Variants in SMC4 observed in about 807,000 individuals in gnomAD.
SMC4 encodes structural maintenance of chromosomes protein 4.
A neutral mutation model predicts 145.6 loss-of-function variants in SMC4; 87 were observed. That is an observed-to-expected ratio of 0.60 (90% CI 0.50 to 0.71). The LOEUF (loss-of-function observed/expected upper bound fraction) is 0.71, where lower values mean the gene tolerates loss of function less well. Ranked by LOEUF, SMC4 falls within the 30% of genes least tolerant of loss-of-function variation. SMC4 has a pLI of 0.00. For missense variants in SMC4, 1,447 were observed against 1,537.1 expected (o/e 0.94, Z 0.98); for synonymous variants, 558 against 500.7 (o/e 1.11, Z -1.53).
At chr3:160,402,235 TCTCACACA>T in intron 3 of SMC4, 142 bp downstream of exon 3, 3 of 508,346 alleles carry the variant, frequency 5.9e-6, no homozygotes, top group South Asian at 6.2e-5. Context: ...TGTCTCTCTC[TCTCACACA>T]CACACACACA....
At chr3:160,401,747 GATA>G (rs1442562613) in intron 2 of SMC4, among the ~76,000 whole-genome samples, 165 bp from the exon 3 acceptor site, 1 of 152,250 alleles carries the variant, frequency 6.6e-6, no homozygotes, top group African/African-American at 2.4e-5. Flanking sequence ...GTGAGTTTAA[GATA>G]ATAACATATT....
intron 7 of SMC4, chr3:160,412,779 G>A (rs1716150949): frequency 2.2e-6 from 2 of 925,618 alleles, no homozygotes; most frequent in African/African-American, 2.0e-5. Context: ...GATCACCAGG[G>A]TTGAATTTAT....
intron 21 of SMC4, 34 bp downstream of exon 21, chr3:160,431,859 G>A: frequency 6.4e-7 from 1 of 1,554,854 alleles, no homozygotes; most frequent in Non-Finnish European, 8.7e-7. Context: ...ACTAGTTGGA[G>A]TTCTTTTTAG....
At chr3:160,431,333 CTG>C in intron 20 of SMC4, 128 bp downstream of exon 20, 4 of 744,016 alleles carry the variant, frequency 5.4e-6, no homozygotes, top group Non-Finnish European at 8.4e-6. Context: ...ATTTTTAATT[CTG>C]TGATCACTTC....
At chr3:160,415,020 A>G (rs555354419) in intron 9 of SMC4, among the ~76,000 whole-genome samples, 32 of 152,236 alleles carry the variant, frequency 2.1e-4, no homozygotes, top group Non-Finnish European at 4.0e-4. Context: ...AGACTTAAAA[A>G]TATTGCCTGT....
rs1264034720 is a variant in SMC4, at chr3:160,426,186, G to A, written c.2591G>A (p.Ser864Asn). The change falls in exon 17 of 24, where the codon AGT (serine) becomes AAT (asparagine). Residue 864 changes from serine to asparagine, a missense_variant. Physicochemically the swap from Ser to Asn is conservative, Grantham distance 46. Transcript: ENST00000357388. Reference protein sequence around the residue: ...KKQKLLEENVSAFKTEYDAVA... With the variant: ...KKQKLLEENVNAFKTEYDAVA... The stretch of plus-strand genomic sequence containing the variant: ...CAGAAATTGCTAGAAGAAAACGTTA[G>A]TGCTTTCAAAACAGGTATGTTTAGA... 6.2e-7 allele frequency: 1 copy of A among 1,607,716 alleles called. No homozygotes were observed. Among genetic ancestry groups the A allele is most frequent in the East Asian group, 2.2e-5 (1 of 44,712 alleles).
chr3:160,402,232 C>G (rs1366494304), intron 3 of SMC4, 139 bp downstream of exon 3: 2 of 534,888 alleles, frequency 3.7e-6, no homozygotes, highest in African/African-American at 4.1e-5. Flanking sequence ...TTCTGTCTCT[C>G]TCTCTCACAC....
At position 160,424,910 on chromosome 3, in the gene SMC4, C is replaced by A; in HGVS notation, c.2369C>A (p.Ala790Glu). Residue 790 changes from alanine to glutamate, a missense_variant, in exon 16 of 24, where the codon GCA (alanine) becomes GAA (glutamate). By Grantham distance (107) the Ala-to-Glu change is moderately radical. Coordinates refer to ENST00000357388, the MANE Select transcript of SMC4 (RefSeq NM_001002800.3). ...ESQLQNDSKK[A>E]MQIQEQKVQL... is the part of the protein sequence containing the mutation. ...CAGTTGCAAAACGACTCTAAAAAAGCAATGCAAATCCAAGAACAGAAAGTA... is the reference window on the plus strand; with the variant it reads ...CAGTTGCAAAACGACTCTAAAAAAGAAATGCAAATCCAAGAACAGAAAGTA... The A allele has an allele frequency of 6.2e-7, 1 of 1,613,688 alleles. No individual in the cohort carries two copies. Among genetic ancestry groups the A allele is most frequent in the Non-Finnish European group, 8.5e-7 (1 of 1,179,872 alleles).
chr3:160,400,831 C>T lies in SMC4; in HGVS notation c.5C>T (p.Pro2Leu). 2 of 1,536,512 alleles carry T rather than the reference C, an allele frequency of 1.3e-6. No homozygotes were observed. The highest frequency in any genetic ancestry group is 1.7e-6 in the Non-Finnish European group (2 of 1,151,598). ...TGTCCCCCGGCCCCAGCGACCATGC[C>T]CCGTAAAGGCACCCAGCCCTCCACT... MPRKGTQPSTAR... is the reference protein window; with the variant it reads MLRKGTQPSTAR... The change falls in exon 2 of 24, where the codon CCC becomes CTC. Residue 2 changes from proline to leucine, a missense_variant. Coordinates refer to ENST00000357388, the MANE Select transcript of SMC4 (RefSeq NM_001002800.3).
In SMC4 at chr3:160,431,722, C is replaced by T. The variant is rs753876897; in HGVS notation, c.3194C>T (p.Ala1065Val). 1.0e-4 allele frequency: 167 copies of T among 1,613,324 alleles called. No individual in the cohort carries two copies. Among genetic ancestry groups the T allele is most frequent in the Admixed American group, 1.5e-4 (9 of 59,900 alleles). ...ISVLSPEDLE[A>V]IKNPDSITNQ... ...GTTCTAAGCCCAGAGGATCTTGAAG[C>T]GATCAAGAATCCAGATTCTATAACA... The change falls in exon 21 of 24, where the codon GCG (alanine) becomes GTG (valine). Residue 1065 changes from alanine (A) to valine (V), a missense_variant. Ala to Val is a moderately conservative substitution (Grantham distance 64). Coordinates refer to ENST00000357388, the MANE Select transcript of SMC4 (RefSeq NM_001002800.3).
At chr3:160,406,642 AG>A (rs1013340959) in intron 5 of SMC4, among the ~76,000 whole-genome samples, 1 of 152,212 alleles carries the variant, frequency 6.6e-6, no homozygotes, top group Non-Finnish European at 1.5e-5. Flanking sequence ...TAACAGCAAA[AG>A]TAATCTAAAT....
chr3:160,410,933 G>A (rs900400721), intron 5 of SMC4, among the ~76,000 whole-genome samples: 1 of 152,086 alleles, frequency 6.6e-6, no homozygotes, highest in Non-Finnish European at 1.5e-5. Flanking sequence ...AAAATAAGAG[G>A]TATATCTTTT....
At chr3:160,416,145 AAAG>A (rs779052332) in intron 9 of SMC4, 103 bp from the exon 10 acceptor site, 11 of 677,136 alleles carry the variant, frequency 1.6e-5, no homozygotes, top group South Asian at 1.4e-4. Flanking sequence ...ATTATAAAGA[AAAG>A]AAGAACTAGA....
chr3:160,433,219 C>G lies in SMC4; in HGVS notation c.3714+10C>G. ...TGCATTTTATATATATGTAAGTAATCATTTTGGGATTTTCATTCCAGAAAC... is the reference window on the plus strand; with the variant it reads ...TGCATTTTATATATATGTAAGTAATGATTTTGGGATTTTCATTCCAGAAAC... On this transcript the variant is annotated intron_variant, in intron 23 of 23. Transcript: ENST00000357388. 1 of 1,586,926 alleles carries G rather than the reference C, an allele frequency of 6.3e-7. No homozygotes were observed. The highest frequency in any genetic ancestry group is 1.7e-4 in the Middle Eastern group (1 of 5,952).
chr3:160,425,935 TA>T, intron 16 of SMC4, 138 bp from the exon 17 acceptor site: 1 of 615,464 alleles, frequency 1.6e-6, no homozygotes. Flanking sequence ...TTTCATTTTT[TA>T]TATCAATGGC....
intron 16 of SMC4, among the ~76,000 whole-genome samples, chr3:160,425,816 G>T (rs1260866765): frequency 6.6e-6 from 1 of 152,120 alleles, no homozygotes; most frequent in Non-Finnish European, 1.5e-5. Context: ...ATTTTTCCAA[G>T]TCTTTGAACA....
intron 3 of SMC4, 134 bp downstream of exon 3, chr3:160,402,227 T>A (rs1336501021): frequency 1.5e-5 from 6 of 398,156 alleles, no homozygotes; most frequent in Non-Finnish European, 2.2e-5. Flanking sequence ...AGTCTTTCTG[T>A]CTCTCTCTCT....
chr3:160,415,277 C>G (rs951397827), intron 9 of SMC4, among the ~76,000 whole-genome samples: 7 of 152,208 alleles, frequency 4.6e-5, no homozygotes, highest in African/African-American at 1.7e-4. Flanking sequence ...GAGAGTGAGG[C>G]GGCAGGATGC....
intron 16 of SMC4, among the ~76,000 whole-genome samples, chr3:160,425,849 G>C (rs1717734085): frequency 6.6e-6 from 1 of 152,136 alleles, no homozygotes; most frequent in South Asian, 2.1e-4. Context: ...ACATAAGTTT[G>C]CTACCTTGTA....
Sources: allele counts gnomAD v4.1 joint callset (sites outside exome capture counted in the v4.1 genomes callset), GRCh38; gene constraint gnomAD v4.1.1; transcripts MANE v1.5; gene names NCBI Gene and HGNC (gene_info 2026-07-23, HGNC 2026-07-21).